Variants in CSNK2A2IP observed in about 807,000 individuals in gnomAD.
CSNK2A2IP encodes casein kinase II subunit alpha'-interacting protein.
the CSNK2A2IP span, among the ~76,000 whole-genome samples, chr3:88,371,713 C>T: frequency 1.4e-5 from 2 of 147,864 alleles, no homozygotes; most frequent in African/African-American, 5.0e-5. Context: ...TCAGTGTGTC[C>T]CAAATTGCAA....
chr3:88,422,410 A>G, the CSNK2A2IP span, among the ~76,000 whole-genome samples: 2 of 152,158 alleles, frequency 1.3e-5, no homozygotes, highest in Admixed American at 1.3e-4. Context: ...AGTATTTGTT[A>G]GATATATTCA....
chr3:88,440,533 T>C, the CSNK2A2IP span, among the ~76,000 whole-genome samples: 1 of 152,180 alleles, frequency 6.6e-6, no homozygotes, highest in Admixed American at 6.5e-5. Context: ...GTGACTGTTT[T>C]GGGAAAGGTA....
chr3:88,442,580 C>A, the CSNK2A2IP span, among the ~76,000 whole-genome samples: 2,074 of 151,906 alleles, frequency 0.014, 40 homozygotes, highest in African/African-American at 0.048. Context: ...GAACATTATA[C>A]CAAACACTTT....
the CSNK2A2IP span, among the ~76,000 whole-genome samples, chr3:88,386,612 G>C: frequency 6.6e-6 from 1 of 152,146 alleles, no homozygotes; most frequent in Admixed American, 6.5e-5. Flanking sequence ...ATAGAAAGTG[G>C]GGAAGAACAG....
chr3:88,354,725 T>C, the CSNK2A2IP span, among the ~76,000 whole-genome samples: 8 of 152,060 alleles, frequency 5.3e-5, no homozygotes, highest in East Asian at 5.8e-4. Flanking sequence ...AGCTGAAGCA[T>C]GGAAAAGAGA....
the CSNK2A2IP span, among the ~76,000 whole-genome samples, chr3:88,431,937 TA>T: frequency 6.6e-6 from 1 of 152,160 alleles, no homozygotes; most frequent in Non-Finnish European, 1.5e-5. Flanking sequence ...GGATTTATAA[TA>T]GATAAGGCTC....
At chr3:88,352,365 T>G in the CSNK2A2IP span, among the ~76,000 whole-genome samples, 1 of 152,124 alleles carries the variant, frequency 6.6e-6, no homozygotes, top group Non-Finnish European at 1.5e-5. Flanking sequence ...AAAATTGATT[T>G]TAAACTAACT....
At chr3:88,358,618 C>T in the CSNK2A2IP span, among the ~76,000 whole-genome samples, 1 of 151,902 alleles carries the variant, frequency 6.6e-6, no homozygotes, top group East Asian at 1.9e-4. Context: ...GTCTTTTATT[C>T]TATTGATGTG....
At chr3:88,386,220 G>A in the CSNK2A2IP span, among the ~76,000 whole-genome samples, 2 of 152,046 alleles carry the variant, frequency 1.3e-5, no homozygotes, top group East Asian at 1.9e-4. Context: ...CATCTCCCAG[G>A]TTCAAGCGAT....
chr3:88,461,780 T>C, the CSNK2A2IP span, among the ~76,000 whole-genome samples: 2 of 152,252 alleles, frequency 1.3e-5, no homozygotes, highest in African/African-American at 4.8e-5. Flanking sequence ...TTTTTTATTT[T>C]TATGAGACAG....
At chr3:88,386,244 TCTC>T in the CSNK2A2IP span, among the ~76,000 whole-genome samples, 4 of 152,058 alleles carry the variant, frequency 2.6e-5, no homozygotes, top group East Asian at 7.7e-4. Context: ...CCCGCCTCAG[TCTC>T]CCAAGTTGCT....
At chr3:88,403,375 A>G in the CSNK2A2IP span, among the ~76,000 whole-genome samples, 1 of 152,120 alleles carries the variant, frequency 6.6e-6, no homozygotes, top group African/African-American at 2.4e-5. Context: ...TAGACTGGCT[A>G]ATTTGATTTA....
At chr3:88,383,716 C>T in the CSNK2A2IP span, among the ~76,000 whole-genome samples, 5,422 of 140,116 alleles carry the variant, frequency 0.039, 253 homozygotes, top group African/African-American at 0.11. Flanking sequence ...GAGTGTAGAG[C>T]GCAGTGGCGC....
At chr3:88,376,817 A>G in the CSNK2A2IP span, among the ~76,000 whole-genome samples, 1 of 151,744 alleles carries the variant, frequency 6.6e-6, no homozygotes, top group South Asian at 2.1e-4. Flanking sequence ...GTTACCAGCA[A>G]TTCCTAGTTA....
At chr3:88,357,712 A>G in the CSNK2A2IP span, among the ~76,000 whole-genome samples, 1 of 151,952 alleles carries the variant, frequency 6.6e-6, no homozygotes, top group Non-Finnish European at 1.5e-5. Flanking sequence ...CAATTAATGA[A>G]CATAAAATAT....
chr3:88,467,399 T>C, the CSNK2A2IP span: 1 of 398,612 alleles, frequency 2.5e-6, no homozygotes, highest in South Asian at 1.3e-4. Context: ...CCTGCAGGGG[T>C]CTCCTGGCTT....
At chr3:88,356,163 T>C in the CSNK2A2IP span, among the ~76,000 whole-genome samples, 1 of 152,176 alleles carries the variant, frequency 6.6e-6, no homozygotes, top group Non-Finnish European at 1.5e-5. Flanking sequence ...AGTCTCCTTA[T>C]CATGCTACTG....
At chr3:88,420,671 CA>C in the CSNK2A2IP span, among the ~76,000 whole-genome samples, 1 of 152,108 alleles carries the variant, frequency 6.6e-6, no homozygotes, top group South Asian at 2.1e-4. Context: ...TCTGGAAAAG[CA>C]AGTTCAATCA....
the CSNK2A2IP span, among the ~76,000 whole-genome samples, chr3:88,353,526 C>T: frequency 0.041 from 6,308 of 152,136 alleles, 175 homozygotes; most frequent in Middle Eastern, 0.058. Context: ...TCTGAGCAAC[C>T]GCAATAAACA....
Sources: allele counts gnomAD v4.1 joint callset (sites outside exome capture counted in the v4.1 genomes callset), GRCh38; gene constraint gnomAD v4.1.1; transcripts MANE v1.5; gene names NCBI Gene and HGNC (gene_info 2026-07-23, HGNC 2026-07-21).